Variants in PLCXD3 observed in about 807,000 individuals in gnomAD.
PLCXD3 encodes PI-PLC X domain-containing protein 3.
Under a neutral mutation model 25.5 loss-of-function variants are expected in PLCXD3, and 19 were observed. The observed-to-expected ratio is 0.75, with a 90% CI of 0.52 to 1.09. The LOEUF (loss-of-function observed/expected upper bound fraction) is 1.09, where lower values mean the gene tolerates loss of function less well. Ranked by LOEUF, PLCXD3 falls within the 50% of genes least tolerant of loss-of-function variation. The pLI is 0.00. For synonymous variants in PLCXD3, 174 were observed against 137.6 expected (o/e 1.26, Z -1.85); for missense variants, 411 against 388.1 (o/e 1.06, Z -0.50).
At chr5:41,491,894 C>A (rs1561289085) in intron 1 of PLCXD3, among the ~76,000 whole-genome samples, 3 of 152,184 alleles carry the variant, frequency 2.0e-5, no homozygotes, top group South Asian at 2.1e-4. Flanking sequence ...ATCGCATTTG[C>A]CAGTCTGTGT....
Position 41,366,835 on chromosome 5 carries a change from C to A in PLCXD3, c.812+14991G>T, listed in dbSNP as rs116069996. Among the ~76,000 whole-genome samples the A allele has an allele frequency of 6.4e-3, 969 of 152,298 alleles. 3 individuals are homozygous for A. The highest frequency in any genetic ancestry group is 9.8e-3 in the Non-Finnish European group (665 of 68,026). ...GCCCCAGTGTGTGTCATTCCTCTCC[C>A]TGTGTCCATGTGTTCTCATTTTTCC... On this transcript the variant is annotated intron_variant, in intron 2 of 2. Transcript: ENST00000377801.
At chr5:41,443,643 C>T (rs1265847413) in intron 1 of PLCXD3, among the ~76,000 whole-genome samples, 1 of 152,176 alleles carries the variant, frequency 6.6e-6, no homozygotes, top group Non-Finnish European at 1.5e-5. Flanking sequence ...AGAGACTGTG[C>T]TGACCTTTTG....
At chr5:41,435,227 T>C (rs982174209) in intron 1 of PLCXD3, among the ~76,000 whole-genome samples, 1 of 152,212 alleles carries the variant, frequency 6.6e-6, no homozygotes, top group Non-Finnish European at 1.5e-5. Context: ...TGTACAACTC[T>C]GTCATCATTT....
At chr5:41,341,904 T>G (rs2150478002) in intron 2 of PLCXD3, among the ~76,000 whole-genome samples, 1 of 152,288 alleles carries the variant, frequency 6.6e-6, no homozygotes, top group African/African-American at 2.4e-5. Context: ...GAGCACATTC[T>G]TAGCCATGCT....
chr5:41,334,700 G>T (rs1026016899), intron 2 of PLCXD3, among the ~76,000 whole-genome samples: 3 of 152,134 alleles, frequency 2.0e-5, no homozygotes, highest in Admixed American at 2.0e-4. Context: ...TTTTGTTGTG[G>T]CAAGGAAAAC....
intron 1 of PLCXD3, among the ~76,000 whole-genome samples, chr5:41,495,699 G>A (rs1748822963): frequency 6.6e-6 from 1 of 152,192 alleles, no homozygotes; most frequent in South Asian, 2.1e-4. Context: ...GCCTAGAGAA[G>A]ACACATCACA....
At chr5:41,410,071 A>G (rs917982044) in intron 1 of PLCXD3, among the ~76,000 whole-genome samples, 11 of 152,120 alleles carry the variant, frequency 7.2e-5, no homozygotes, top group Non-Finnish European at 1.6e-4. Flanking sequence ...ACTCAAAGAA[A>G]ATACTGCCAC....
At chr5:41,356,721 CT>C (rs545508667) in intron 2 of PLCXD3, among the ~76,000 whole-genome samples, 9 of 152,144 alleles carry the variant, frequency 5.9e-5, no homozygotes, top group Middle Eastern at 3.2e-3. Flanking sequence ...GCTATGAGCT[CT>C]TAACAAAACT....
chr5:41,382,401 A>C lies in PLCXD3; in HGVS notation c.237T>G (p.Thr79=). The change falls in exon 2 of 3, where the codon ACT becomes ACG. Residue 79 remains threonine (T), a synonymous_variant. Coordinates refer to ENST00000377801, the MANE Select transcript of PLCXD3 (RefSeq NM_001005473.3). ...AKKLMRKWLA[T]QTMNFTGQLG... is the part of the protein sequence containing the mutation. ...GCTGGCCAGTAAAATTCATTGTCTGAGTGGCTAACCATTTCCGCATGAGCT... is the reference window on the plus strand; with the variant it reads ...GCTGGCCAGTAAAATTCATTGTCTGCGTGGCTAACCATTTCCGCATGAGCT... 6.2e-7 allele frequency: 1 copy of C among 1,613,564 alleles called. No individual in the cohort carries two copies. The highest frequency in any genetic ancestry group is 1.1e-5 in the South Asian group (1 of 91,072).
At chr5:41,503,172 T>A (rs1361011376) in intron 1 of PLCXD3, among the ~76,000 whole-genome samples, 2 of 152,170 alleles carry the variant, frequency 1.3e-5, no homozygotes, top group Non-Finnish European at 2.9e-5. Flanking sequence ...GCAGTCCACT[T>A]TCTCTCCACT....
chr5:41,442,211 T>C (rs1313703969), intron 1 of PLCXD3, among the ~76,000 whole-genome samples: 4 of 152,218 alleles, frequency 2.6e-5, no homozygotes, highest in African/African-American at 9.6e-5. Flanking sequence ...TCTAAATCTG[T>C]ATGTAACAAT....
intron 1 of PLCXD3, among the ~76,000 whole-genome samples, chr5:41,451,272 G>C (rs1159732888): frequency 6.6e-6 from 1 of 151,994 alleles, no homozygotes; most frequent in Non-Finnish European, 1.5e-5. Context: ...AAGTACAAAA[G>C]TAGAATGTTT....
At chr5:41,358,620 C>T (rs189087983) in intron 2 of PLCXD3, among the ~76,000 whole-genome samples, 7 of 152,322 alleles carry the variant, frequency 4.6e-5, no homozygotes, top group African/African-American at 4.8e-5. Context: ...CAGGCTGGTA[C>T]GGATGCCATT....
intron 1 of PLCXD3, among the ~76,000 whole-genome samples, chr5:41,496,233 C>A (rs1002181070): frequency 2.0e-5 from 3 of 151,640 alleles, no homozygotes; most frequent in Non-Finnish European, 4.4e-5. Context: ...AATAATTAAG[C>A]AGACCAATAT....
At chr5:41,347,628 A>G (rs1744337352) in intron 2 of PLCXD3, among the ~76,000 whole-genome samples, 1 of 152,182 alleles carries the variant, frequency 6.6e-6, no homozygotes, top group Non-Finnish European at 1.5e-5. Flanking sequence ...GTTTTTTATT[A>G]TGGCAGCTAT....
chr5:41,499,953 CCTTAT>C (rs1218546394), intron 1 of PLCXD3, among the ~76,000 whole-genome samples: 3 of 151,780 alleles, frequency 2.0e-5, no homozygotes, highest in Non-Finnish European at 3.0e-5. Context: ...GATTTTGAGT[CCTTAT>C]CTTATGACAT....
intron 1 of PLCXD3, among the ~76,000 whole-genome samples, chr5:41,463,807 G>A (rs1747948452): frequency 6.6e-6 from 1 of 151,686 alleles, no homozygotes; most frequent in Non-Finnish European, 1.5e-5. Flanking sequence ...CACTACGAAT[G>A]GCCTTTACCT....
intron 2 of PLCXD3, among the ~76,000 whole-genome samples, chr5:41,344,807 ATTATAT>A (rs1435042798): frequency 6.6e-6 from 1 of 152,172 alleles, no homozygotes; most frequent in Admixed American, 6.5e-5. Context: ...ATAATTAAAA[ATTATAT>A]TTATGTTTCA....
rs1307896718 is a variant in PLCXD3 at position 41,309,123 on chromosome 5, C to T, written c.*4494G>A. Reference sequence around the variant, plus strand: ...TGATAAGATATTATATACTTACACACACATACCACATACAAGCACATACTT... The same window carrying T: ...TGATAAGATATTATATACTTACACATACATACCACATACAAGCACATACTT... On this transcript the variant is annotated 3_prime_UTR_variant, in exon 3 of 3. Coordinates refer to ENST00000377801, the MANE Select transcript of PLCXD3 (RefSeq NM_001005473.3). The T allele has an allele frequency of 6.6e-6, 1 of 152,534 alleles. No homozygotes were observed. The highest frequency in any genetic ancestry group is 1.9e-4 in the East Asian group (1 of 5,192). 9.4% of individuals were successfully genotyped at this position (152,534 alleles called of 1,614,324 possible).
Sources: allele counts gnomAD v4.1 joint callset (sites outside exome capture counted in the v4.1 genomes callset), GRCh38; gene constraint gnomAD v4.1.1; transcripts MANE v1.5; gene names NCBI Gene and HGNC (gene_info 2026-07-23, HGNC 2026-07-21).